SLC6A6: variants seen among roughly 807,000 people sequenced by gnomAD.
The protein encoded by SLC6A6 is sodium- and chloride-dependent taurine transporter.
SLC6A6 carries 16 observed loss-of-function variants against 68.8 expected under a neutral mutation model. That is an observed-to-expected ratio of 0.23 (90% CI 0.16 to 0.35). SLC6A6 has a LOEUF of 0.35. Ranked by LOEUF, SLC6A6 falls within the 10% of genes least tolerant of loss-of-function variation. The pLI, the probability that SLC6A6 is intolerant of heterozygous loss-of-function variation, is 1.00. For missense variants in SLC6A6, 474 were observed against 802.8 expected (o/e 0.59, Z 4.95); for synonymous variants, 312 against 315.4 (o/e 0.99, Z 0.12).
chr3:14,485,077 T>C lies in SLC6A6; in HGVS notation c.*70T>C, dbSNP rs564196631. ...AACATTAGATTCTCATAGGACCAGG[T>C]TTACAGAGCTTTATATTTGCACTAG... On this transcript the variant is annotated 3_prime_UTR_variant, in exon 15 of 15. Transcript: ENST00000622186. The C allele has an allele frequency of 6.8e-6, 9 of 1,323,466 alleles. No homozygotes were observed. The African/African-American group carries it at 1.2e-4, about 17-fold the overall frequency. 82.0% of individuals were successfully genotyped at this position (1,323,466 alleles called of 1,614,324 possible).
intron 6 of SLC6A6, among the ~76,000 whole-genome samples, chr3:14,460,813 G>A (rs1055702771): frequency 3.3e-5 from 5 of 152,230 alleles, no homozygotes; most frequent in Non-Finnish European, 7.3e-5. Flanking sequence ...GGCCAGAGAA[G>A]CCAAGACAAA....
At chr3:14,436,709 C>G (rs1217420138) in intron 2 of SLC6A6, among the ~76,000 whole-genome samples, 1 of 151,976 alleles carries the variant, frequency 6.6e-6, no homozygotes, top group East Asian at 1.9e-4. Flanking sequence ...GTCCAGGGAG[C>G]CCCATCAGAG....
chr3:14,463,882 G>A (rs1267254110), intron 6 of SLC6A6, among the ~76,000 whole-genome samples: 6 of 152,198 alleles, frequency 3.9e-5, no homozygotes, highest in East Asian at 1.9e-4. Flanking sequence ...TGACAGTGCC[G>A]GCCAAAGAGG....
In SLC6A6 at chr3:14,488,943, C is replaced by G. The variant is rs1424337480; in HGVS notation, c.*3936C>G. Reference sequence around the variant, plus strand: ...TTTTTTACCCAATTAATCTCCCAATCCCTAGCAACTGTGACTCTGTATTTA... The same window carrying G: ...TTTTTTACCCAATTAATCTCCCAATGCCTAGCAACTGTGACTCTGTATTTA... On this transcript the variant is annotated 3_prime_UTR_variant, in exon 15 of 15. Transcript: ENST00000622186. 6.6e-6 allele frequency: 1 copy of G among 152,400 alleles called. No homozygotes were observed. The highest frequency in any genetic ancestry group is 2.4e-5 in the African/African-American group (1 of 41,370). The allele number at this position is 152,400 out of a possible 1,614,324, so 9.4% of individuals were successfully genotyped here. A position where few individuals can be genotyped will look rare whatever the true frequency, so the allele number is the denominator to read the frequency against.
intron 2 of SLC6A6, among the ~76,000 whole-genome samples, chr3:14,417,070 C>T (rs912985987): frequency 6.6e-6 from 1 of 152,212 alleles, no homozygotes; most frequent in Non-Finnish European, 1.5e-5. Flanking sequence ...CAGTGGCTCA[C>T]GCCTCCAATC....
At chr3:14,403,459 G>C (rs931561131) in intron 1 of SLC6A6, among the ~76,000 whole-genome samples, 2 of 152,168 alleles carry the variant, frequency 1.3e-5, no homozygotes, top group African/African-American at 2.4e-5. Context: ...GTGGGCACTC[G>C]TGTGTCCTCG....
chr3:14,441,709 G>C (rs762453588), intron 2 of SLC6A6, among the ~76,000 whole-genome samples: 21 of 152,244 alleles, frequency 1.4e-4, no homozygotes, highest in Non-Finnish European at 2.5e-4. Context: ...CACACCCCAA[G>C]TCCTCAGGCA....
intron 6 of SLC6A6, among the ~76,000 whole-genome samples, chr3:14,463,821 G>A (rs540470915): frequency 2.1e-4 from 32 of 152,348 alleles, no homozygotes; most frequent in South Asian, 4.1e-4. Context: ...AAGGACGCCC[G>A]GGGGCAGAGG....
In SLC6A6 at chr3:14,439,699, C is replaced by T. The variant is rs148354584; in HGVS notation, c.-11-3925C>T. On this transcript the variant is annotated intron_variant, in intron 2 of 14. Coordinates refer to ENST00000622186, the MANE Select transcript of SLC6A6 (RefSeq NM_003043.6). ...CAGCCCTTGTCGGCGGGTGCAGGGA[C>T]GCCTGTGGAGGAGGACTCGCTCCTG... 1.7e-3 allele frequency among the ~76,000 whole-genome samples: 266 copies of T among 152,290 alleles called. 2 individuals are homozygous for T. The highest frequency in any genetic ancestry group is 3.3e-3 in the Admixed American group (50 of 15,300).
chr3:14,472,558 C>G lies in SLC6A6; in HGVS notation c.1209+241C>G, dbSNP rs1017086612. Among the ~76,000 whole-genome samples the G allele has an allele frequency of 6.6e-6, 1 of 152,180 alleles. No homozygotes were observed. The highest frequency in any genetic ancestry group is 2.4e-5 in the African/African-American group (1 of 41,446). Reference sequence around the variant, plus strand: ...GGAGTGCAAACAAGACGTGGCATGGCACATTATCTGCTAGCAGAGGGGCAT... The same window carrying G: ...GGAGTGCAAACAAGACGTGGCATGGGACATTATCTGCTAGCAGAGGGGCAT... On this transcript the variant is annotated intron_variant, in intron 10 of 14. Transcript: ENST00000622186. The surrounding 1 kb of genome is among the most constrained non-coding windows in gnomAD (Gnocchi z 4.5).
rs948686684 is a variant in SLC6A6, at chr3:14,472,743, C to T, written c.1209+426C>T. On this transcript the variant is annotated intron_variant, in intron 10 of 14. Coordinates refer to ENST00000622186, the MANE Select transcript of SLC6A6 (RefSeq NM_003043.6). This position sits in a 1 kb window ranked among gnomAD's most constrained non-coding sequence, Gnocchi z 4.5. ...AGGAGGACATGGCAGATGGGCGATT[C>T]GGAGAAGGGACCCACATTTCTGTGT... is the stretch of plus-strand genomic sequence containing the variant. Among the ~76,000 whole-genome samples, 5 of 152,130 alleles carry T rather than the reference C, an allele frequency of 3.3e-5. No individual in the cohort carries two copies. Among genetic ancestry groups the T allele is most frequent in the African/African-American group, 1.2e-4 (5 of 41,426 alleles).
intron 5 of SLC6A6, 137 bp downstream of exon 5, chr3:14,447,953 AT>A: frequency 6.8e-7 from 1 of 1,461,252 alleles, no homozygotes; most frequent in Non-Finnish European, 9.0e-7. Flanking sequence ...CTGGAGATAA[AT>A]TTATGCCTTT....
chr3:14,467,439 G>A (rs937027633), intron 7 of SLC6A6, among the ~76,000 whole-genome samples: 12 of 152,216 alleles, frequency 7.9e-5, no homozygotes, highest in Non-Finnish European at 1.5e-4. Flanking sequence ...TGACTTACGG[G>A]CTTGCCATGT....
chr3:14,451,218 A>G (rs567070585), intron 5 of SLC6A6, among the ~76,000 whole-genome samples: 1 of 152,368 alleles, frequency 6.6e-6, no homozygotes, highest in East Asian at 1.9e-4. Flanking sequence ...ATTTCAACAC[A>G]GCAAGTGCTC....
At chr3:14,478,810 C>T in intron 12 of SLC6A6, 1 of 592,830 alleles carries the variant, frequency 1.7e-6, no homozygotes, top group Non-Finnish European at 3.0e-6. Context: ...ACCTGGAATA[C>T]TCCTTTTTTA....
intron 5 of SLC6A6, among the ~76,000 whole-genome samples, chr3:14,453,465 C>T (rs1262241385): frequency 4.6e-5 from 7 of 152,200 alleles, no homozygotes; most frequent in African/African-American, 1.7e-4. Context: ...AGGTCCATGG[C>T]TGATTTCTAT....
rs539485336 is a variant in SLC6A6 at position 14,413,443 on chromosome 3, C to T, written c.-53-2969C>T. ...TGCTGGCTGGGGCTTTATTTTTGCA[C>T]TGAGCACCTGTCCTCAGCAAACTGG... On this transcript the variant is annotated intron_variant, in intron 1 of 14. Coordinates refer to ENST00000622186, the MANE Select transcript of SLC6A6 (RefSeq NM_003043.6). 1.4e-3 allele frequency among the ~76,000 whole-genome samples: 210 copies of T among 152,356 alleles called. 2 individuals carry two copies. The South Asian group carries it at 0.015, about 11-fold the overall frequency.
chr3:14,443,703 G>A lies in SLC6A6; in HGVS notation c.69G>A (p.Gly23=), dbSNP rs1700044395. The A allele has an allele frequency of 3.1e-6, 5 of 1,614,218 alleles. No individual in the cohort carries two copies. The highest frequency in any genetic ancestry group is 1.1e-5 in the South Asian group (1 of 91,084). ...FHKDILKPSP[G]KSPGTRPEDE... ...AGGACATCCTGAAGCCCTCACCAGG[G>A]AAGAGCCCAGGCACGCGGCCTGAGG... The change falls in exon 3 of 15, where the codon GGG becomes GGA. Residue 23 remains glycine (G), a synonymous_variant. Transcript: ENST00000622186.
At chr3:14,420,126 C>G (rs534918165) in intron 2 of SLC6A6, among the ~76,000 whole-genome samples, 1 of 152,324 alleles carries the variant, frequency 6.6e-6, no homozygotes, top group South Asian at 2.1e-4. Context: ...ATTATTTACT[C>G]TGGTTATAAA....
Sources: allele counts gnomAD v4.1 joint callset (sites outside exome capture counted in the v4.1 genomes callset), GRCh38; gene constraint gnomAD v4.1.1; non-coding constraint Gnocchi (gnomAD v3.1); transcripts MANE v1.5; gene names NCBI Gene and HGNC (gene_info 2026-07-23, HGNC 2026-07-21).